FRAS1: variants seen among roughly 807,000 people sequenced by gnomAD.
The protein encoded by FRAS1 is Fraser extracellular matrix complex subunit 1.
FRAS1 carries 290 observed loss-of-function variants against 435.2 expected under a neutral mutation model. That is an observed-to-expected ratio of 0.67 (90% CI 0.61 to 0.73). The LOEUF (loss-of-function observed/expected upper bound fraction) is 0.73. Ranked by LOEUF, FRAS1 falls within the 30% of genes least tolerant of loss-of-function variation. The probability of loss-of-function intolerance (pLI) is 0.00; values close to 1 mark genes in which losing one functional copy is unlikely to be tolerated. For missense variants in FRAS1, 4,860 were observed against 5,001.5 expected (o/e 0.97, Z 0.85); for synonymous variants, 1,800 against 1,851.0 (o/e 0.97, Z 0.71).
chr4:78,321,490 G>A (rs1037397022), intron 18 of FRAS1, among the ~76,000 whole-genome samples: 3 of 152,124 alleles, frequency 2.0e-5, no homozygotes, highest in Admixed American at 6.5e-5. Context: ...TTAAATTTAA[G>A]AAAACATCCT....
Position 78,452,274 on chromosome 4 carries a change from A to G in FRAS1, c.6683A>G (p.Gln2228Arg). Reference sequence around the variant, plus strand: ...ACCCTGCAGCTGTCTGCCACTGACCAGGACAGTGGGCCTACAGAATTGATC... The same window carrying G: ...ACCCTGCAGCTGTCTGCCACTGACCGGGACAGTGGGCCTACAGAATTGATC... ...ITTLQLSATD[Q>R]DSGPTELIYR... is the part of the protein sequence containing the mutation. The change falls in exon 47 of 74, where the codon CAG becomes CGG. Residue 2228 changes from glutamine to arginine, a missense_variant. By Grantham distance (43) the Gln-to-Arg change is conservative. Transcript: ENST00000512123. 5 of 1,613,482 alleles carry G rather than the reference A, an allele frequency of 3.1e-6. No individual in the cohort carries two copies. The highest frequency in any genetic ancestry group is 4.2e-6 in the Non-Finnish European group (5 of 1,179,482).
At chr4:78,066,078 C>A in intron 2 of FRAS1, 62 bp downstream of exon 2, 1 of 1,141,916 alleles carries the variant, frequency 8.8e-7, no homozygotes, top group Admixed American at 1.8e-5. Context: ...GATTGAAGTT[C>A]CTGAGTGAGT....
chr4:78,282,703 A>G, intron 11 of FRAS1, 117 bp from the exon 12 acceptor site: 1 of 1,050,782 alleles, frequency 9.5e-7, no homozygotes, highest in Non-Finnish European at 1.4e-6. Flanking sequence ...GATTTGGCAG[A>G]GTACTGATTA....
chr4:78,516,832 C>T (rs1452890998), intron 66 of FRAS1, among the ~76,000 whole-genome samples: 2 of 152,346 alleles, frequency 1.3e-5, no homozygotes, highest in Non-Finnish European at 2.9e-5. Context: ...CCAATCACCT[C>T]CCATCTGGTT....
intron 35 of FRAS1, among the ~76,000 whole-genome samples, chr4:78,425,327 T>C (rs1387428008): frequency 6.6e-6 from 1 of 152,138 alleles, no homozygotes; most frequent in Non-Finnish European, 1.5e-5. Flanking sequence ...TTTTAGCTCA[T>C]AGTGCAATAG....
chr4:78,446,835 C>G lies in FRAS1; in HGVS notation c.5965C>G (p.Pro1989Ala). The stretch of plus-strand genomic sequence containing the variant: ...TTTGAGCCTGCAAGACCTGGACACC[C>G]CAGATAATGAGCTCATTTTTGTATT... Reference protein sequence around the residue: ...SSLSLQDLDTPDNELIFVLTK... With the variant: ...SSLSLQDLDTADNELIFVLTK... The change falls in exon 43 of 74, where the codon CCA becomes GCA. Residue 1989 changes from proline (P) to alanine (A), a missense_variant. Pro to Ala is a conservative substitution (Grantham distance 27). Transcript: ENST00000512123. 1 of 1,612,176 alleles carries G rather than the reference C, an allele frequency of 6.2e-7. No homozygotes were observed. Among genetic ancestry groups the G allele is most frequent in the Non-Finnish European group, 8.5e-7 (1 of 1,179,222 alleles).
intron 30 of FRAS1, among the ~76,000 whole-genome samples, chr4:78,406,347 A>C (rs963846433): frequency 7.9e-5 from 12 of 152,218 alleles, no homozygotes; most frequent in African/African-American, 2.7e-4. Context: ...TGATAAAGGC[A>C]TACCTAAGAC....
chr4:78,170,387 G>A (rs1248643904), intron 2 of FRAS1, among the ~76,000 whole-genome samples: 2 of 152,074 alleles, frequency 1.3e-5, no homozygotes, highest in Non-Finnish European at 1.5e-5. Context: ...TTTCTCCTCT[G>A]TAAGCACATA....
intron 2 of FRAS1, among the ~76,000 whole-genome samples, chr4:78,116,311 T>C (rs1743171066): frequency 6.6e-6 from 1 of 152,170 alleles, no homozygotes. Context: ...ATTCTGTTGA[T>C]TTGGGGTGGA....
intron 2 of FRAS1, among the ~76,000 whole-genome samples, chr4:78,204,225 C>T (rs538599482): frequency 6.6e-6 from 1 of 152,270 alleles, no homozygotes; most frequent in African/African-American, 2.4e-5. Flanking sequence ...GCCTATATTT[C>T]CCCTAAGAGC....
At chr4:78,199,224 T>C (rs1722948301) in intron 2 of FRAS1, among the ~76,000 whole-genome samples, 1 of 152,184 alleles carries the variant, frequency 6.6e-6, no homozygotes, top group Non-Finnish European at 1.5e-5. Flanking sequence ...GGTAATCTAG[T>C]TTTACCAGCA....
intron 2 of FRAS1, among the ~76,000 whole-genome samples, chr4:78,204,478 A>C (rs946948678): frequency 2.6e-5 from 4 of 152,232 alleles, no homozygotes; most frequent in African/African-American, 9.6e-5. Flanking sequence ...AGAGTGAGAT[A>C]AGTGCTAACT....
intron 22 of FRAS1, among the ~76,000 whole-genome samples, 175 bp from the exon 23 acceptor site, chr4:78,369,663 C>T (rs1034294741): frequency 4.6e-5 from 7 of 152,094 alleles, no homozygotes; most frequent in Non-Finnish European, 8.8e-5. Context: ...TTTTCTATTT[C>T]GGAAACTAAT....
chr4:78,194,504 C>T (rs1372244710), intron 2 of FRAS1, among the ~76,000 whole-genome samples: 7 of 152,182 alleles, frequency 4.6e-5, no homozygotes, highest in Admixed American at 2.6e-4. Flanking sequence ...CTTCTCTTCT[C>T]GCTTCATTTC....
At chr4:78,492,771 C>G (rs1212541039) in intron 59 of FRAS1, among the ~76,000 whole-genome samples, 2 of 152,098 alleles carry the variant, frequency 1.3e-5, no homozygotes, top group African/African-American at 4.8e-5. Flanking sequence ...ACTAAAACAC[C>G]AAAAGCAATG....
intron 2 of FRAS1, among the ~76,000 whole-genome samples, chr4:78,230,473 T>A (rs977102343): frequency 1.1e-4 from 17 of 152,268 alleles, no homozygotes; most frequent in African/African-American, 3.9e-4. Context: ...GTATTGTTTA[T>A]CTAAGCTGTC....
chr4:78,510,992 A>G (rs1044744548), intron 63 of FRAS1, among the ~76,000 whole-genome samples: 9 of 152,208 alleles, frequency 5.9e-5, no homozygotes, highest in Non-Finnish European at 1.2e-4. Context: ...TATAAAGAGA[A>G]CAATACTATT....
In FRAS1 at chr4:78,448,320, C is replaced by T. The variant is rs1268358301; in HGVS notation, c.6274+4C>T. On this transcript the variant is annotated splice_donor_region_variant and intron_variant, in intron 44 of 73. Coordinates refer to ENST00000512123, the MANE Select transcript of FRAS1 (RefSeq NM_025074.7). ...CAAGGCCTACAGCTCTCAGCAGGTA[C>T]CACAGAAATAAAGGAGAGTGGCCAT... The T allele has an allele frequency of 3.1e-6, 5 of 1,597,702 alleles. No individual in the cohort carries two copies. The South Asian group carries it at 4.5e-5, about 14-fold the overall frequency.
intron 20 of FRAS1, among the ~76,000 whole-genome samples, chr4:78,342,762 G>C (rs554267937): frequency 6.6e-6 from 1 of 152,268 alleles, no homozygotes; most frequent in African/African-American, 2.4e-5. Flanking sequence ...TGGACTGCCT[G>C]ATGGGATGGC....
Sources: allele counts gnomAD v4.1 joint callset (sites outside exome capture counted in the v4.1 genomes callset), GRCh38; gene constraint gnomAD v4.1.1; transcripts MANE v1.5; gene names NCBI Gene and HGNC (gene_info 2026-07-23, HGNC 2026-07-21).